DCLK3: variants seen among roughly 807,000 people sequenced by gnomAD.
DCLK3 encodes the protein serine/threonine-protein kinase DCLK3.
A neutral mutation model predicts 46.4 loss-of-function variants in DCLK3; 30 were observed. The ratio of observed to expected loss-of-function variants is 0.65; its 90% CI spans 0.48 to 0.88. The LOEUF is 0.88. DCLK3 is among the 40% of genes least tolerant of loss of function. DCLK3 has a pLI of 0.00. For synonymous variants in DCLK3, 401 were observed against 339.2 expected, an observed-to-expected ratio of 1.18 and a Z score of -2.00; for missense variants, 846 against 907.1, an observed-to-expected ratio of 0.93 and a Z score of 0.87.
Position 36,764,331 on chromosome 3 carries a change from G to T in DCLK3, c.-68C>A, listed in dbSNP as rs1181108301. Reference sequence around the variant, plus strand: ...AGCGCGGGGACGCGGCTCGACGGTCGAGCAGGCGCGGGAAGGCGGGGCGAG... The same window carrying T: ...AGCGCGGGGACGCGGCTCGACGGTCTAGCAGGCGCGGGAAGGCGGGGCGAG... On this transcript the variant is annotated 5_prime_UTR_variant, in exon 1 of 5. Coordinates refer to ENST00000636136, the MANE Select transcript of DCLK3 (RefSeq NM_001394672.2). This position sits in a 1 kb window ranked among gnomAD's most constrained non-coding sequence, Gnocchi z 4.9. 5 of 211,474 alleles carry T rather than the reference G, an allele frequency of 2.4e-5. No homozygotes were observed. The highest frequency in any genetic ancestry group is 4.7e-5 in the Non-Finnish European group (5 of 107,422). 13.1% of individuals were successfully genotyped at this position (211,474 alleles called of 1,614,324 possible). A position where few individuals can be genotyped will look rare whatever the true frequency, so the allele number is the denominator to read the frequency against.
intron 3 of DCLK3, among the ~76,000 whole-genome samples, chr3:36,720,302 G>A (rs778804306): frequency 2.6e-5 from 4 of 152,118 alleles, no homozygotes; most frequent in Admixed American, 6.6e-5. Flanking sequence ...AGAGCAGATG[G>A]CTGGCACCAT....
chr3:36,759,230 G>A (rs1701515558), intron 1 of DCLK3, among the ~76,000 whole-genome samples: 1 of 152,208 alleles, frequency 6.6e-6, no homozygotes, highest in Admixed American at 6.5e-5. Flanking sequence ...ATGTGGGAGA[G>A]TTGATATTCT....
At chr3:36,760,517 C>A (rs959514286) in intron 1 of DCLK3, among the ~76,000 whole-genome samples, 2 of 151,784 alleles carry the variant, frequency 1.3e-5, no homozygotes, top group Non-Finnish European at 2.9e-5. Flanking sequence ...AGGAGATATA[C>A]CTAATGTTAA....
At chr3:36,747,293 A>C (rs948820831) in intron 1 of DCLK3, among the ~76,000 whole-genome samples, 1 of 152,206 alleles carries the variant, frequency 6.6e-6, no homozygotes, top group Non-Finnish European at 1.5e-5. Context: ...TTTCATATGC[A>C]TATAAGGGCC....
chr3:36,737,291 T>C lies in DCLK3; in HGVS notation c.1876A>G (p.Met626Val), dbSNP rs1234264056. The C allele has an allele frequency of 3.1e-6, 5 of 1,614,096 alleles. No homozygotes were observed. The Admixed American group carries it at 6.7e-5, about 22-fold the overall frequency. The part of the protein sequence containing the change: ...VKFPEPDAAL[M>V]IMDLCKALVH... ...AGGGCTTTGCATAAGTCCATGATCA[T>C]GAGGGCAGCATCGGGCTCCGGGAAC... Residue 626 changes from methionine to valine, a missense_variant, in exon 2 of 5, where the codon ATG (methionine) becomes GTG (valine). This residue lies in a region of DCLK3 where 247 missense variants were observed against 322.8 expected (regional missense o/e 0.77). Transcript: ENST00000636136. The surrounding 1 kb of genome is among the most constrained non-coding windows in gnomAD (Gnocchi z 4.4).
chr3:36,758,043 C>T (rs1410432643), intron 1 of DCLK3, among the ~76,000 whole-genome samples: 2 of 152,154 alleles, frequency 1.3e-5, no homozygotes, highest in Non-Finnish European at 2.9e-5. Flanking sequence ...CTCAGCCACC[C>T]CATACACCCT....
At chr3:36,723,680 A>T (rs1228103824) in intron 2 of DCLK3, among the ~76,000 whole-genome samples, 3 of 152,160 alleles carry the variant, frequency 2.0e-5, no homozygotes, top group African/African-American at 7.2e-5. Flanking sequence ...GTCAATTCCA[A>T]GTGGTAGTGA....
chr3:36,735,384 C>A (rs766507834), intron 2 of DCLK3, among the ~76,000 whole-genome samples: 6 of 152,218 alleles, frequency 3.9e-5, no homozygotes, highest in Non-Finnish European at 8.8e-5. Flanking sequence ...GTAATTCAGA[C>A]CCCTCATCCA....
intron 2 of DCLK3, among the ~76,000 whole-genome samples, chr3:36,722,091 C>T (rs1701068509): frequency 1.3e-5 from 2 of 152,004 alleles, no homozygotes; most frequent in African/African-American, 4.8e-5. Context: ...ATCAAGGATA[C>T]TTTGAGCACA....
chr3:36,747,150 C>T (rs1701400493), intron 1 of DCLK3, among the ~76,000 whole-genome samples: 1 of 152,058 alleles, frequency 6.6e-6, no homozygotes. Context: ...ATAGAAGTGG[C>T]AAAGGAAATG....
intron 3 of DCLK3, 26 bp from the exon 4 acceptor site, chr3:36,718,203 A>C (rs1701009960): frequency 6.2e-7 from 1 of 1,612,870 alleles, no homozygotes; most frequent in Admixed American, 1.7e-5. Flanking sequence ...CAGAGACACA[A>C]GCAAACCTGA....
Position 36,737,265 on chromosome 3 carries a change from G to T in DCLK3, c.1902C>A (p.Leu634=). Residue 634 remains leucine, a synonymous_variant, in exon 2 of 5, where the codon CTC becomes CTA. Transcript: ENST00000636136. This position sits in a 1 kb window ranked among gnomAD's most constrained non-coding sequence, Gnocchi z 4.4. ...ALMIMDLCKA[L]VHMHDKSIVH... ...CAATGCTCTTGTCGTGCATGTGGAC[G>T]AGGGCTTTGCATAAGTCCATGATCA... The T allele has an allele frequency of 6.2e-7, 1 of 1,614,170 alleles. No individual in the cohort carries two copies. Among genetic ancestry groups the T allele is most frequent in the Non-Finnish European group, 8.5e-7 (1 of 1,180,032 alleles).
intron 2 of DCLK3, among the ~76,000 whole-genome samples, chr3:36,723,272 G>A (rs1701083940): frequency 6.6e-6 from 1 of 152,194 alleles, no homozygotes; most frequent in Non-Finnish European, 1.5e-5. Flanking sequence ...TTCAAGAGGT[G>A]ACTTGGGTGC....
At chr3:36,752,130 C>T (rs1224549049) in intron 1 of DCLK3, among the ~76,000 whole-genome samples, 1 of 152,228 alleles carries the variant, frequency 6.6e-6, no homozygotes, top group African/African-American at 2.4e-5. Context: ...CTGACTGGAG[C>T]CACTTTACCC....
At chr3:36,731,462 C>T (rs1000812080) in intron 2 of DCLK3, among the ~76,000 whole-genome samples, 2 of 151,870 alleles carry the variant, frequency 1.3e-5, no homozygotes, top group South Asian at 4.2e-4. Context: ...CACACACACA[C>T]ACACACACAC....
intron 1 of DCLK3, among the ~76,000 whole-genome samples, chr3:36,759,420 T>G (rs7635239): frequency 6.6e-6 from 1 of 152,064 alleles, no homozygotes; most frequent in Admixed American, 6.6e-5. Flanking sequence ...ATTTTCCAGA[T>G]GGCAAGGCTG....
chr3:36,727,179 C>T (rs1214304610), intron 2 of DCLK3, among the ~76,000 whole-genome samples: 1 of 152,110 alleles, frequency 6.6e-6, no homozygotes, highest in Non-Finnish European at 1.5e-5. Flanking sequence ...ATCCCAGCTA[C>T]TCAGGAGGCT....
intron 3 of DCLK3, among the ~76,000 whole-genome samples, chr3:36,719,201 A>G (rs1173725242): frequency 2.0e-5 from 3 of 152,218 alleles, no homozygotes; most frequent in Non-Finnish European, 4.4e-5. Flanking sequence ...AAAGCAATAT[A>G]CAGTAAAGGT....
At chr3:36,749,937 T>C (rs1377134020) in intron 1 of DCLK3, among the ~76,000 whole-genome samples, 2 of 152,226 alleles carry the variant, frequency 1.3e-5, no homozygotes, top group African/African-American at 2.4e-5. Flanking sequence ...GGGAATAGTA[T>C]GATTAATTTT....
Sources: gnomAD v4.1 joint callset for allele counts (sites outside exome capture counted in the v4.1 genomes callset) on GRCh38, gnomAD v4.1.1 for gene constraint, gnomAD v4.1.1 regional missense constraint, Gnocchi (gnomAD v3.1) non-coding constraint, MANE v1.5 for transcripts, NCBI Gene and HGNC (gene_info 2026-07-23, HGNC 2026-07-21) for gene names.